The following DIDO1 variants were observed in gnomAD, a reference collection of about 807,000 sequenced individuals.
DIDO1 encodes the protein death-inducer obliterator 1.
In DIDO1, 16 loss-of-function variants were observed where a neutral mutation model predicts 99.4. That is an observed-to-expected ratio of 0.16 (90% CI 0.11 to 0.24). The LOEUF is 0.24. DIDO1 is among the 10% of genes least tolerant of loss of function. DIDO1 has a pLI of 1.00. For missense variants in DIDO1, 2,996 were observed against 3,014.0 expected (o/e 0.99, Z 0.14); for synonymous variants, 1,366 against 1,239.1 (o/e 1.10, Z -2.15).
At chr20:62,885,198 C>T (rs567137921) in intron 15 of DIDO1, among the ~76,000 whole-genome samples, 1 of 152,308 alleles carries the variant, frequency 6.6e-6, no homozygotes, top group East Asian at 1.9e-4. Flanking sequence ...GGCCCTCTGC[C>T]TGCAGAACCT....
rs576355953 is a variant in DIDO1, at chr20:62,887,618, C to T, written c.3541+3342G>A. The T allele has an allele frequency of 2.5e-4, 248 of 985,564 alleles. No individual in the cohort carries two copies. The African/African-American group carries it at 3.3e-3, about 13-fold the overall frequency. The allele number at this position is 985,564 out of a possible 1,614,324, so 61.1% of individuals were successfully genotyped here. Reference sequence around the variant, plus strand: ...CAAGGCTCCGAGGCCTGCGGCTTCACGCGGAAATGACGGGGGCTGGGCATG... The same window carrying T: ...CAAGGCTCCGAGGCCTGCGGCTTCATGCGGAAATGACGGGGGCTGGGCATG... On this transcript the variant is annotated intron_variant, in intron 15 of 15. Transcript: ENST00000395343.
intron 4 of DIDO1, 112 bp from the exon 5 acceptor site, chr20:62,907,471 G>C: frequency 1.0e-6 from 1 of 978,592 alleles, no homozygotes; most frequent in Non-Finnish European, 1.5e-6. Context: ...TTCAAAATGA[G>C]ATACTAACAG....
At chr20:62,929,692 A>AAAAAAAAAATATATAT, upstream of DIDO1, among the ~76,000 whole-genome samples, 2 of 63,736 alleles carry the variant, frequency 3.1e-5, no homozygotes, top group African/African-American at 7.6e-5. Flanking sequence ...AAAAAGAAAA[A>AAAAAAAAAATATATAT]GTGTATATAT....
intron 1 of DIDO1, among the ~76,000 whole-genome samples, chr20:62,920,743 G>A (rs546516884): frequency 6.6e-5 from 10 of 152,274 alleles, no homozygotes; most frequent in African/African-American, 1.9e-4. Context: ...GAAGCTGAAC[G>A]GAGACACTAA....
intron 15 of DIDO1, chr20:62,888,814 T>C (rs2064343320): frequency 2.0e-6 from 2 of 985,340 alleles, no homozygotes; most frequent in South Asian, 9.4e-5. Flanking sequence ...GGCTGTTTAG[T>C]GACCATGGAA....
intron 5 of DIDO1, 47 bp from the exon 6 acceptor site, chr20:62,906,147 T>C (rs1293896993): frequency 5.1e-6 from 8 of 1,573,448 alleles, no homozygotes; most frequent in Non-Finnish European, 6.9e-6. Context: ...TAAGAAATCA[T>C]ACCTTCACTT....
Position 62,911,724 on chromosome 20 carries a change from A to G in DIDO1, c.-2-110T>C. ...ACCTCCCTACAAACAGTGGAGCTCT[A>G]CATAAAGCAAGTCCTTCTGACCAGT... On this transcript the variant is annotated intron_variant, in intron 2 of 15. Coordinates refer to ENST00000395343, the MANE Select transcript of DIDO1 (RefSeq NM_001193369.2). The surrounding 1 kb of genome is among the most constrained non-coding windows in gnomAD (Gnocchi z 7.0). The G allele has an allele frequency of 4.3e-6, 4 of 934,086 alleles. No individual in the cohort carries two copies. The highest frequency in any genetic ancestry group is 6.2e-6 in the Non-Finnish European group (4 of 642,888). The allele number at this position is 934,086 out of a possible 1,614,324, so 57.9% of individuals were successfully genotyped here. A position where few individuals can be genotyped will look rare whatever the true frequency, so the allele number is the denominator to read the frequency against.
rs1356738497 is a variant in DIDO1 at position 62,893,869 on chromosome 20, C to T, written c.2898G>A (p.Arg966=). ...GVVTTVTVSG[R]DPRTAPSSSC... ...AACTGCTTGGAGCGGTCCTGGGGTC[C>T]CGGCCGGACACTGTGACGGTGGTGA... Residue 966 remains arginine, a synonymous_variant, in exon 12 of 16, where the codon CGG becomes CGA. Transcript: ENST00000395343. 1.2e-6 allele frequency: 2 copies of T among 1,612,546 alleles called. No homozygotes were observed. Among genetic ancestry groups the T allele is most frequent in the African/African-American group, 1.3e-5 (1 of 74,900 alleles).
chr20:62,924,992 A>G (rs1601039173), intron 1 of DIDO1, among the ~76,000 whole-genome samples: 1 of 152,234 alleles, frequency 6.6e-6, no homozygotes, highest in Non-Finnish European at 1.5e-5. Context: ...AGCAAGTAGG[A>G]AAACAAGTGT....
rs78758738 is a variant in DIDO1 at position 62,905,470 on chromosome 20, G to C, written c.1588+417C>G. On this transcript the variant is annotated intron_variant, in intron 6 of 15. Coordinates refer to ENST00000395343, the MANE Select transcript of DIDO1 (RefSeq NM_001193369.2). The stretch of plus-strand genomic sequence containing the variant: ...CTTTCATGTGCTGGCCGTGGACAAT[G>C]TGGAAAAACTGAAGCGTATACAGCG... 3,009 of 1,542,294 alleles carry C rather than the reference G, an allele frequency of 2.0e-3. 64 individuals carry two copies. The African/African-American group carries it at 0.036, about 18-fold the overall frequency.
At position 62,921,671 on chromosome 20, in the gene DIDO1, C is replaced by T. The variant is rs536171384; in HGVS notation, c.-200+4768G>A. 4.2e-4 allele frequency among the ~76,000 whole-genome samples: 63 copies of T among 150,234 alleles called. 2 individuals carry two copies. In the South Asian group the frequency reaches 0.013, roughly 31 times the overall value. Reference sequence around the variant, plus strand: ...TTTTTGGAGACAGGGTCTCTGTCGCCCAGGCTGGAGGGCAATGGAGCGACT... The same window carrying T: ...TTTTTGGAGACAGGGTCTCTGTCGCTCAGGCTGGAGGGCAATGGAGCGACT... On this transcript the variant is annotated intron_variant, in intron 1 of 15. Transcript: ENST00000395343.
At chr20:62,932,290 G>A (rs1373623891) in intron 1 of DIDO1, among the ~76,000 whole-genome samples, 7 of 152,186 alleles carry the variant, frequency 4.6e-5, no homozygotes, top group Admixed American at 1.3e-4. Flanking sequence ...CCCAGGAGTT[G>A]AAGGCCAGCC....
intron 6 of DIDO1, among the ~76,000 whole-genome samples, chr20:62,902,446 C>T (rs997253941): frequency 5.3e-5 from 8 of 152,136 alleles, no homozygotes; most frequent in South Asian, 2.1e-4. Flanking sequence ...GTTTTATTGC[C>T]GCTGACAACT....
At position 62,878,175 on chromosome 20, in the gene DIDO1, A is replaced by C. The variant is rs1055138924; in HGVS notation, c.*1058T>G. ...CTGTAAAAGTTTATGAAAATATAAA[A>C]AATTATCAAAGTGTATTTGTACAAA... is the stretch of plus-strand genomic sequence containing the variant. On this transcript the variant is annotated 3_prime_UTR_variant, in exon 16 of 16. Coordinates refer to ENST00000395343, the MANE Select transcript of DIDO1 (RefSeq NM_001193369.2). 6.6e-6 allele frequency: 1 copy of C among 152,268 alleles called. No homozygotes were observed. The highest frequency in any genetic ancestry group is 1.5e-5 in the Non-Finnish European group (1 of 68,050). The allele number at this position is 152,268 out of a possible 1,614,324, so 9.4% of individuals were successfully genotyped here.
At chr20:62,909,662 G>T (rs774881782) in intron 4 of DIDO1, 37 bp downstream of exon 4, 3 of 1,602,272 alleles carry the variant, frequency 1.9e-6, no homozygotes, top group Non-Finnish European at 2.6e-6. Flanking sequence ...CAGTGAGGCC[G>T]ACTGCTGAAT....
At chr20:62,921,443 G>A (rs942037736) in intron 1 of DIDO1, among the ~76,000 whole-genome samples, 5 of 152,164 alleles carry the variant, frequency 3.3e-5, no homozygotes, top group African/African-American at 1.2e-4. Context: ...GGCAGTGACA[G>A]GTACTGCTTT....
chr20:62,891,941 C>T (rs576831695), intron 14 of DIDO1, 46 bp downstream of exon 14: 1 of 1,522,122 alleles, frequency 6.6e-7, no homozygotes, highest in South Asian at 1.2e-5. Context: ...GTGTTTAAAT[C>T]AACACAATTT....
chr20:62,919,602 T>C (rs984527312), intron 1 of DIDO1, among the ~76,000 whole-genome samples: 2 of 150,914 alleles, frequency 1.3e-5, no homozygotes, highest in African/African-American at 4.9e-5. Context: ...ACAAAGAAAA[T>C]GTAGAGAAAA....
rs1218378685 is a variant in DIDO1 at position 62,881,604 on chromosome 20, T to A, written c.4352A>T (p.Asp1451Val). 23 of 1,612,126 alleles carry A rather than the reference T, an allele frequency of 1.4e-5. No individual in the cohort carries two copies. Among genetic ancestry groups the A allele is most frequent in the Non-Finnish European group, 1.8e-5 (21 of 1,180,014 alleles). The change falls in exon 16 of 16, where the codon GAC becomes GTC. Residue 1451 changes from aspartate (D) to valine (V), a missense_variant. By Grantham distance (152) the Asp-to-Val change is radical. Around this residue, in one of 5 missense-constraint regions of DIDO1, gnomAD observed 1,562 missense variants for 1,412.6 expected, o/e 1.11. Transcript: ENST00000395343. This position sits in a 1 kb window ranked among gnomAD's most constrained non-coding sequence, Gnocchi z 8.3. ...CCTCTCCACGGAGTTCCTTCTCACG[T>A]CGGCACACATCCTGTTGGGCAGGTC... ...VDDLPNRMCA[D>V]VRRNSVERPA...
Sources: gnomAD v4.1 joint callset for allele counts (sites outside exome capture counted in the v4.1 genomes callset) on GRCh38, gnomAD v4.1.1 for gene constraint, gnomAD v4.1.1 regional missense constraint, Gnocchi (gnomAD v3.1) non-coding constraint, MANE v1.5 for transcripts, NCBI Gene and HGNC (gene_info 2026-07-23, HGNC 2026-07-21) for gene names.